TRPM3: variants seen among roughly 807,000 people sequenced by gnomAD.
TRPM3 encodes long transient receptor potential channel 3.
A neutral mutation model predicts 181.2 loss-of-function variants in TRPM3; 77 were observed. That is an observed-to-expected ratio of 0.42 (90% CI 0.35 to 0.51). The LOEUF (loss-of-function observed/expected upper bound fraction) is 0.51. Ranked by LOEUF, TRPM3 falls within the 20% of genes least tolerant of loss-of-function variation. TRPM3 has a pLI of 0.01. For missense variants in TRPM3, 1,759 were observed against 2,196.7 expected, an observed-to-expected ratio of 0.80 and a Z score of 3.98; for synonymous variants, 745 against 796.4, an observed-to-expected ratio of 0.94 and a Z score of 1.09.
At chr9:70,990,630 A>T (rs902416987) in intron 1 of TRPM3, among the ~76,000 whole-genome samples, 1 of 152,094 alleles carries the variant, frequency 6.6e-6, no homozygotes, top group African/African-American at 2.4e-5. Flanking sequence ...TTTTATTATT[A>T]TTTGTTGTTT....
chr9:71,175,301 C>A (rs1050868046), intron 1 of TRPM3, among the ~76,000 whole-genome samples: 1 of 152,102 alleles, frequency 6.6e-6, no homozygotes, highest in Admixed American at 6.6e-5. Context: ...TAATAGGCTA[C>A]GATAGGCCTA....
At chr9:71,373,801 A>G (rs1400189492) in intron 1 of TRPM3, among the ~76,000 whole-genome samples, 1 of 152,228 alleles carries the variant, frequency 6.6e-6, no homozygotes, top group Non-Finnish European at 1.5e-5. Flanking sequence ...TCCTGATACC[A>G]AAACCTGGCA....
chr9:70,682,574 A>G (rs924440751), intron 8 of TRPM3, among the ~76,000 whole-genome samples: 1 of 152,170 alleles, frequency 6.6e-6, no homozygotes, highest in African/African-American at 2.4e-5. Context: ...GTGGACAGAG[A>G]GTGGCTGACA....
chr9:70,795,628 T>G (rs2086834214), intron 6 of TRPM3, among the ~76,000 whole-genome samples: 1 of 152,126 alleles, frequency 6.6e-6, no homozygotes, highest in Admixed American at 6.6e-5. Flanking sequence ...CCGAACGTCT[T>G]CCCCCAGGGG....
At chr9:71,230,870 T>C (rs996735092) in intron 1 of TRPM3, among the ~76,000 whole-genome samples, 2 of 152,188 alleles carry the variant, frequency 1.3e-5, no homozygotes, top group African/African-American at 2.4e-5. Context: ...TGTTTCTAAG[T>C]AAATATTCCT....
At chr9:70,905,472 G>T (rs191747733) in intron 1 of TRPM3, among the ~76,000 whole-genome samples, 4 of 152,128 alleles carry the variant, frequency 2.6e-5, no homozygotes, top group African/African-American at 9.7e-5. Context: ...CCGACTGAGG[G>T]TGACAGCCTC....
At chr9:71,187,995 A>G (rs1033501411) in intron 1 of TRPM3, among the ~76,000 whole-genome samples, 1 of 151,822 alleles carries the variant, frequency 6.6e-6, no homozygotes, top group African/African-American at 2.4e-5. Context: ...CAATTCTATA[A>G]CTATATCATA....
At chr9:71,263,630 T>C (rs1170974674) in intron 1 of TRPM3, among the ~76,000 whole-genome samples, 2 of 152,154 alleles carry the variant, frequency 1.3e-5, no homozygotes, top group Admixed American at 6.5e-5. Flanking sequence ...TGGTTCTGCA[T>C]AGAGAAGAGA....
At chr9:71,123,449 T>C (rs542883929), upstream of TRPM3, among the ~76,000 whole-genome samples, 1 of 152,290 alleles carries the variant, frequency 6.6e-6, no homozygotes, top group East Asian at 1.9e-4. Context: ...CTATGGTTGT[T>C]GTGAGGACTA....
chr9:71,212,213 C>A (rs1203349552), intron 1 of TRPM3, among the ~76,000 whole-genome samples: 5 of 152,138 alleles, frequency 3.3e-5, no homozygotes, highest in Non-Finnish European at 7.4e-5. Flanking sequence ...ACCTCCCGGG[C>A]TCAAGCCATC....
intron 22 of TRPM3, among the ~76,000 whole-genome samples, chr9:70,564,072 G>A (rs890865568): frequency 6.6e-6 from 1 of 152,142 alleles, no homozygotes; most frequent in Non-Finnish European, 1.5e-5. Flanking sequence ...AGAGAAGGGA[G>A]GGGCTGTGAG....
chr9:70,784,006 T>A (rs2083041702), intron 7 of TRPM3, 99 bp downstream of exon 7: 19 of 1,498,936 alleles, frequency 1.3e-5, no homozygotes, highest in Non-Finnish European at 1.6e-5. Context: ...CTTGTTTTGA[T>A]TTGAGGTCTT....
chr9:70,874,726 A>G (rs531061199), intron 1 of TRPM3, among the ~76,000 whole-genome samples: 2 of 152,044 alleles, frequency 1.3e-5, no homozygotes, highest in Admixed American at 1.3e-4. Context: ...TAGATTCACC[A>G]GCTGAATTTT....
At chr9:71,361,270 G>A (rs746589766) in intron 1 of TRPM3, among the ~76,000 whole-genome samples, 1 of 152,148 alleles carries the variant, frequency 6.6e-6, no homozygotes, top group African/African-American at 2.4e-5. Flanking sequence ...ATCTAGTTCT[G>A]AAATGGGTTT....
chr9:70,881,084 A>T (rs570822521), intron 1 of TRPM3, among the ~76,000 whole-genome samples: 3 of 151,924 alleles, frequency 2.0e-5, no homozygotes, highest in Non-Finnish European at 2.9e-5. Flanking sequence ...TTTTTGTTAA[A>T]TTTTTTTTAA....
At position 70,536,887 on chromosome 9, in the gene TRPM3, G is replaced by C. The variant is rs976378708; in HGVS notation, c.4226C>G (p.Ser1409Ter). ...AGAGACATAGATGTCTATACACGAT[G>C]ATGGTCTTCTGGAATCAGGAACAAT... The part of the protein sequence containing the change: ...LAIVPDSRRP[S>*]SCIDIYVSAM... Residue 1409 changes from serine (S) to a stop codon, truncating the protein, a stop_gained, in exon 26 of 26, where the codon TCA becomes TGA. Coordinates refer to ENST00000677713, the MANE Select transcript of TRPM3 (RefSeq NM_001366145.2). LOFTEE classifies it high-confidence loss of function. The C allele has an allele frequency of 3.7e-6, 6 of 1,614,220 alleles. No homozygotes were observed. Among genetic ancestry groups the C allele is most frequent in the Non-Finnish European group, 5.1e-6 (6 of 1,180,034 alleles).
At chr9:71,269,130 T>C (rs2083600671) in intron 1 of TRPM3, among the ~76,000 whole-genome samples, 1 of 152,194 alleles carries the variant, frequency 6.6e-6, no homozygotes, top group Non-Finnish European at 1.5e-5. Context: ...ATACTTTGAA[T>C]AATAATAAGA....
intron 8 of TRPM3, among the ~76,000 whole-genome samples, chr9:70,738,470 C>T (rs569441968): frequency 1.1e-4 from 17 of 152,014 alleles, no homozygotes; most frequent in Non-Finnish European, 2.2e-4. Flanking sequence ...CTATCAAAAC[C>T]TCTGGAATAC....
chr9:70,955,671 T>C (rs1034739753), intron 1 of TRPM3, among the ~76,000 whole-genome samples: 1 of 152,216 alleles, frequency 6.6e-6, no homozygotes, highest in African/African-American at 2.4e-5. Context: ...GAGTGTCTGA[T>C]AGTATTACAT....
Sources: gnomAD v4.1 joint callset for allele counts (sites outside exome capture counted in the v4.1 genomes callset) on GRCh38, gnomAD v4.1.1 for gene constraint, MANE v1.5 for transcripts, NCBI Gene and HGNC (gene_info 2026-07-23, HGNC 2026-07-21) for gene names.